Variants in MAGEA11 observed in about 807,000 individuals in gnomAD.
MAGEA11 encodes the protein melanoma-associated antigen 11.
MAGEA11 carries 1 observed loss-of-function variant against 8.4 expected under a neutral mutation model. The ratio of observed to expected loss-of-function variants is 0.12; its 90% CI spans 0.04 to 0.57. The LOEUF is 0.57. Ranked by LOEUF, MAGEA11 falls within the 20% of genes least tolerant of loss-of-function variation. The probability of loss-of-function intolerance (pLI) is 0.91; values close to 1 mark genes in which losing one functional copy is unlikely to be tolerated. For missense variants in MAGEA11, 209 were observed against 317.3 expected (o/e 0.66, Z 2.59); for synonymous variants, 127 against 119.3 (o/e 1.06, Z -0.42).
At position 149,691,651 on chromosome X, in the gene MAGEA11, T is replaced by G. The variant is rs7878583; in HGVS notation, c.9+2667T>G. On this transcript the variant is annotated intron_variant, in intron 1 of 3. Transcript: ENST00000333104. ...CCATGCTTTATAAAGTTTTTCACTCTGAATAGAGGAAACAAGAACTATCCT... is the reference window on the plus strand; with the variant it reads ...CCATGCTTTATAAAGTTTTTCACTCGGAATAGAGGAAACAAGAACTATCCT... Among the ~76,000 whole-genome samples the G allele has an allele frequency of 5.9e-3, 664 of 112,123 alleles. 6 individuals are homozygous for G. The highest frequency in any genetic ancestry group is 0.021 in the African/African-American group (653 of 30,871).
upstream of MAGEA11, chrX:149,711,998 T>A: frequency 1.4e-6 from 1 of 727,559 alleles, no homozygotes; most frequent in South Asian, 7.2e-5. Flanking sequence ...ACGGGCAGAA[T>A]CGGGTTCGCT....
rs782573081 is a variant in MAGEA11 at position 149,715,736 on chromosome X, G to A, written c.267-17G>A. 15 of 1,199,227 alleles carry A rather than the reference G, an allele frequency of 1.3e-5. No homozygotes were observed. The highest frequency in any genetic ancestry group is 1.2e-4 in the African/African-American group (7 of 56,693). On this transcript the variant is annotated splice_polypyrimidine_tract_variant and intron_variant, in intron 4 of 4. Transcript: ENST00000355220. ...ATATCTCATCTGAGTCTGTTCTCAC[G>A]CTCCCTCTCTCCCCAGGCTGTGGGG...
upstream of MAGEA11, among the ~76,000 whole-genome samples, chrX:149,710,131 AAAG>A (rs781904578): frequency 4.5e-5 from 5 of 112,212 alleles, no homozygotes; most frequent in African/African-American, 1.6e-4. Flanking sequence ...AGCAAAATCA[AAAG>A]ATTTGCAAAA....
At chrX:149,712,009 C>A (rs1434555850), upstream of MAGEA11, 6 of 745,426 alleles carry the variant, frequency 8.0e-6, no homozygotes, top group East Asian at 7.8e-4. Flanking sequence ...CGGGTTCGCT[C>A]CTGCTGTAAA....
chrX:149,705,012 A>G (rs1432134989), intron 1 of MAGEA11, among the ~76,000 whole-genome samples: 1 of 112,348 alleles, frequency 8.9e-6, no homozygotes, highest in Non-Finnish European at 1.9e-5. Flanking sequence ...CTCTGATGCT[A>G]TTTTGTGGAT....
At chrX:149,710,459 G>A, upstream of MAGEA11, among the ~76,000 whole-genome samples, 1 of 110,880 alleles carries the variant, frequency 9.0e-6, no homozygotes, top group South Asian at 3.9e-4. Context: ...GTTTGGTTTT[G>A]TTTTTTTGAG....
chrX:149,702,278 C>T (rs1198988771), intron 1 of MAGEA11, among the ~76,000 whole-genome samples: 10 of 111,336 alleles, frequency 9.0e-5, no homozygotes, highest in Non-Finnish European at 1.9e-4. Flanking sequence ...TTAAAGTCTC[C>T]AATAATTATT....
rs1262536420 is a variant in MAGEA11 at position 149,714,539 on chromosome X, C to G, written c.155C>G (p.Pro52Arg). The change falls in exon 3 of 5, where the codon CCA (proline) becomes CGA (arginine). Residue 52 changes from proline (P) to arginine (R), a missense_variant. Physicochemically the swap from Pro to Arg is moderately radical, Grantham distance 103 (BLOSUM62 -2). Around this residue, in one of 2 missense-constraint regions of MAGEA11, gnomAD observed 131 missense variants for 138.5 expected, o/e 0.95. Coordinates refer to ENST00000355220, the MANE Select transcript of MAGEA11 (RefSeq NM_005366.5). ...FQSTERAPYG[P>R]QLQWSQDLPR... ...TCAACAGAAAGAGCCCCATATGGTC[C>G]ACAACTACAGTGGTCCCAGGATCTG... The G allele has an allele frequency of 8.3e-7, 1 of 1,209,590 alleles. No homozygotes were observed. Among genetic ancestry groups the G allele is most frequent in the Non-Finnish European group, 1.1e-6 (1 of 894,989 alleles).
At position 149,712,112 on chromosome X, in the gene MAGEA11, T is replaced by TGTCTTGAGAGTGGC. The variant is rs1424815680; in HGVS notation, c.-67_-54dup. On this transcript the variant is annotated 5_prime_UTR_variant, in exon 1 of 5. Coordinates refer to ENST00000355220, the MANE Select transcript of MAGEA11 (RefSeq NM_005366.5). Reference sequence around the variant, plus strand: ...GAAGCGAAAGCGTCTTTCTGAGGGGTGTCTTGAGAGTGGCAGAGGGCAGCG... The same window carrying TGTCTTGAGAGTGGC: ...GAAGCGAAAGCGTCTTTCTGAGGGGTGTCTTGAGAGTGGCGTCTTGAGAGTGGCAGAGGGCAGCG... 2.9e-5 allele frequency: 22 copies of TGTCTTGAGAGTGGC among 749,366 alleles called. No homozygotes were observed. In the African/African-American group the frequency reaches 4.5e-4, roughly 15 times the overall value. 61.8% of individuals were successfully genotyped at this position (749,366 alleles called of 1,213,427 possible).
At position 149,690,925 on chromosome X, in the gene MAGEA11, G is replaced by A. The variant is rs192607437; in HGVS notation, c.9+1941G>A. Among the ~76,000 whole-genome samples the A allele has an allele frequency of 6.9e-4, 77 of 111,855 alleles. 1 individual carries two copies. Among genetic ancestry groups the A allele is most frequent in the Middle Eastern group, 4.7e-3 (1 of 215 alleles). On this transcript the variant is annotated intron_variant, in intron 1 of 3. Coordinates refer to the MAGEA11 transcript ENST00000333104. Reference sequence around the variant, plus strand: ...TATTTTCATCAATATAGAAGTTTACGTCTTTAGTATTTGTTTCCTTCAATA... The same window carrying A: ...TATTTTCATCAATATAGAAGTTTACATCTTTAGTATTTGTTTCCTTCAATA...
At chrX:149,705,435 A>G (rs1365067599) in intron 1 of MAGEA11, among the ~76,000 whole-genome samples, 1 of 112,282 alleles carries the variant, frequency 8.9e-6, no homozygotes, top group Non-Finnish European at 1.9e-5. Flanking sequence ...TTCCGCCATC[A>G]TTGTGAGGCC....
intron 1 of MAGEA11, among the ~76,000 whole-genome samples, chrX:149,690,577 T>A (rs2090306011): frequency 8.9e-6 from 1 of 112,773 alleles, no homozygotes; most frequent in African/African-American, 3.2e-5. Context: ...ATTCTAAGCA[T>A]ACATTTTGCA....
intron 2 of MAGEA11, 37 bp downstream of exon 2, chrX:149,713,292 C>T (rs782095623): frequency 7.4e-6 from 7 of 951,367 alleles, no homozygotes; most frequent in Middle Eastern, 2.7e-4. Flanking sequence ...TTCCAAGGCA[C>T]GGTGGCCACA....
chrX:149,711,990 G>C (rs1306333670), upstream of MAGEA11: 54 of 718,879 alleles, frequency 7.5e-5, no homozygotes, highest in Admixed American at 5.2e-3. Context: ...GCCCCCACAC[G>C]GGCAGAATCG....
chrX:149,688,669 T>C (rs201232136), upstream of MAGEA11, among the ~76,000 whole-genome samples: 49 of 22,813 alleles, frequency 2.1e-3, no homozygotes, highest in South Asian at 3.5e-3. Context: ...TACATATACA[T>C]ATACATATAC....
chrX:149,699,312 G>T (rs1225379109), intron 1 of MAGEA11, among the ~76,000 whole-genome samples: 1 of 111,855 alleles, frequency 8.9e-6, no homozygotes, highest in Non-Finnish European at 1.9e-5. Context: ...AGCAAAGATT[G>T]CTTGGAGGAG....
chrX:149,716,513 G>T lies in MAGEA11; in HGVS notation c.1027G>T (p.Val343Leu), dbSNP rs1557362541. ...VMWEVLSIMGVYAGREHFLFG... is the reference protein window; with the variant it reads ...VMWEVLSIMGLYAGREHFLFG... ...GTGGGAAGTCCTGAGCATTATGGGGGTGTATGCTGGAAGGGAGCACTTCCT... is the reference window on the plus strand; with the variant it reads ...GTGGGAAGTCCTGAGCATTATGGGGTTGTATGCTGGAAGGGAGCACTTCCT... The change falls in exon 5 of 5, where the codon GTG becomes TTG. Residue 343 changes from valine to leucine, a missense_variant. Physicochemically the swap from Val to Leu is conservative, Grantham distance 32. This residue lies in a region of MAGEA11 where 78 missense variants were observed against 178.8 expected (regional missense o/e 0.44). Transcript: ENST00000355220. 11 of 1,211,745 alleles carry T rather than the reference G, an allele frequency of 9.1e-6. No individual in the cohort carries two copies. Among genetic ancestry groups the T allele is most frequent in the Non-Finnish European group, 1.2e-5 (11 of 895,439 alleles).
At chrX:149,691,804 C>G (rs2090311676) in intron 1 of MAGEA11, among the ~76,000 whole-genome samples, 3 of 112,711 alleles carry the variant, frequency 2.7e-5, no homozygotes, top group African/African-American at 9.7e-5. Flanking sequence ...TCAAGGCTTT[C>G]CTGCTGTGTA....
intron 1 of MAGEA11, among the ~76,000 whole-genome samples, chrX:149,693,656 A>G (rs367848460): frequency 3.6e-5 from 4 of 112,314 alleles, no homozygotes; most frequent in East Asian, 5.5e-4. Flanking sequence ...AAGTTGTGCC[A>G]TATCAAATTC....
Sources: gnomAD v4.1 joint callset for allele counts (sites outside exome capture counted in the v4.1 genomes callset) on GRCh38, gnomAD v4.1.1 for gene constraint, gnomAD v4.1.1 regional missense constraint, MANE v1.5 for transcripts, NCBI Gene and HGNC (gene_info 2026-07-23, HGNC 2026-07-21) for gene names.